TPRG1: variants seen among roughly 807,000 people sequenced by gnomAD.
TPRG1 encodes the protein tumor protein p63-regulated gene 1 protein.
A neutral mutation model predicts 29.3 loss-of-function variants in TPRG1; 29 were observed. The observed-to-expected ratio is 0.99, with a 90% CI of 0.74 to 1.35. TPRG1 has a LOEUF of 1.35. Among genes scored for constraint, TPRG1 ranks in the 40% most tolerant of loss-of-function variants. TPRG1 has a pLI of 0.00. For synonymous variants in TPRG1, 130 were observed against 116.8 expected, an observed-to-expected ratio of 1.11 and a Z score of -0.73; for missense variants, 327 against 335.0, an observed-to-expected ratio of 0.98 and a Z score of 0.19.
Position 189,267,868 on chromosome 3 carries a change from A to G in TPRG1, c.479+28959A>G, listed in dbSNP as rs190634372. On this transcript the variant is annotated intron_variant, in intron 4 of 5. Coordinates refer to ENST00000345063, the MANE Select transcript of TPRG1 (RefSeq NM_198485.4). ...ACATTGCTGTATGTGAATGGTGAGTAAATGATTAGAACAGGGAGCGGTATG... is the reference window on the plus strand; with the variant it reads ...ACATTGCTGTATGTGAATGGTGAGTGAATGATTAGAACAGGGAGCGGTATG... 1.3e-3 allele frequency: 200 copies of G among 152,388 alleles called. 1 individual carries two copies. The highest frequency in any genetic ancestry group is 4.3e-3 in the African/African-American group (179 of 41,576). The allele number at this position is 152,388 out of a possible 1,614,324, so 9.4% of individuals were successfully genotyped here. A position where few individuals can be genotyped will look rare whatever the true frequency, so the allele number is the denominator to read the frequency against.
intron 1 of TPRG1, among the ~76,000 whole-genome samples, chr3:189,198,629 A>T (rs1050605084): frequency 6.6e-6 from 1 of 152,226 alleles, no homozygotes; most frequent in Non-Finnish European, 1.5e-5. Flanking sequence ...GTATCCATTC[A>T]TCCATCCAAG....
At chr3:189,125,813 T>TTGTGTGTGTG (rs751689409) in intron 1 of TPRG1, among the ~76,000 whole-genome samples, 66 of 124,136 alleles carry the variant, frequency 5.3e-4, no homozygotes, top group East Asian at 1.7e-3. Flanking sequence ...GCAGGGTGTT[T>TTGTGTGTGTG]TGTGTGTGTG....
intron 4 of TPRG1, among the ~76,000 whole-genome samples, chr3:189,261,584 G>C (rs1467882466): frequency 1.3e-5 from 2 of 152,148 alleles, no homozygotes; most frequent in Admixed American, 6.5e-5. Flanking sequence ...GTACGACAGA[G>C]TGGCAAGACA....
intron 4 of TPRG1, among the ~76,000 whole-genome samples, chr3:189,268,125 T>TCC (rs1217210716): frequency 5.3e-5 from 8 of 152,224 alleles, no homozygotes; most frequent in Non-Finnish European, 1.2e-4. Context: ...GGACTTACCA[T>TCC]CCTCAGCAAG....
intron 2 of TPRG1, among the ~76,000 whole-genome samples, chr3:189,214,846 G>A (rs1443504930): frequency 6.6e-6 from 1 of 152,092 alleles, no homozygotes; most frequent in Non-Finnish European, 1.5e-5. Context: ...ATGAGGTGAG[G>A]AGACTGAAAG....
At chr3:189,148,162 C>G (rs1012016995) in intron 4 of TPRG1, among the ~76,000 whole-genome samples, 2 of 152,170 alleles carry the variant, frequency 1.3e-5, no homozygotes, top group African/African-American at 2.4e-5. Context: ...TTTCTGCTCC[C>G]TCCTGATTGG....
chr3:189,222,858 G>A, intron 3 of TPRG1, among the ~76,000 whole-genome samples: 1 of 152,016 alleles, frequency 6.6e-6, no homozygotes, highest in East Asian at 1.9e-4. Context: ...CTATCCCTTG[G>A]CCTCATGATT....
chr3:189,154,534 C>T (rs1726397293), intron 5 of TPRG1, among the ~76,000 whole-genome samples: 1 of 151,956 alleles, frequency 6.6e-6, no homozygotes. Flanking sequence ...CTCCACCTCC[C>T]AGATTCAAGC....
At chr3:189,062,768 A>C (rs60732616) in intron 4 of TPRG1, among the ~76,000 whole-genome samples, 1 of 151,996 alleles carries the variant, frequency 6.6e-6, no homozygotes, top group Non-Finnish European at 1.5e-5. Flanking sequence ...GTACAAAGAA[A>C]TACTCTGAGA....
intron 3 of TPRG1, among the ~76,000 whole-genome samples, chr3:189,221,076 A>G (rs143546805): frequency 2.0e-5 from 3 of 152,356 alleles, no homozygotes; most frequent in African/African-American, 7.2e-5. Context: ...TTCAAAACTG[A>G]ATATCCAAGT....
chr3:189,237,235 A>C (rs1416983882), intron 3 of TPRG1, among the ~76,000 whole-genome samples: 4 of 152,088 alleles, frequency 2.6e-5, no homozygotes, highest in African/African-American at 9.7e-5. Flanking sequence ...GATGGAGTGA[A>C]TAGCCCAACA....
intron 4 of TPRG1, among the ~76,000 whole-genome samples, chr3:189,305,345 G>A (rs1340097701): frequency 6.6e-6 from 1 of 152,210 alleles, no homozygotes; most frequent in African/African-American, 2.4e-5. Context: ...TTGGAGGAGA[G>A]GAGTCTTTCC....
chr3:189,201,340 C>A (rs997817716), intron 1 of TPRG1, among the ~76,000 whole-genome samples: 4 of 152,056 alleles, frequency 2.6e-5, no homozygotes, highest in African/African-American at 9.7e-5. Flanking sequence ...TTATAGATAC[C>A]TGCAATAGGA....
At chr3:189,185,223 C>CT (rs910340136) in intron 1 of TPRG1, among the ~76,000 whole-genome samples, 118 of 149,350 alleles carry the variant, frequency 7.9e-4, no homozygotes, top group South Asian at 1.7e-3. Context: ...CTTGGGTAAT[C>CT]TTTTTTTTTT....
chr3:189,012,411 G>A (rs1712650400), intron 3 of TPRG1, among the ~76,000 whole-genome samples: 1 of 152,124 alleles, frequency 6.6e-6, no homozygotes, highest in Non-Finnish European at 1.5e-5. Context: ...CTTTAAGTAT[G>A]TGATGAATTA....
intron 3 of TPRG1, among the ~76,000 whole-genome samples, chr3:189,227,047 A>T (rs113944398): frequency 1.8e-4 from 27 of 152,218 alleles, no homozygotes; most frequent in African/African-American, 6.5e-4. Flanking sequence ...TATAACAATT[A>T]GGAAACTGAA....
chr3:189,266,960 A>G (rs1560625577), intron 4 of TPRG1, among the ~76,000 whole-genome samples: 1 of 152,032 alleles, frequency 6.6e-6, no homozygotes, highest in Non-Finnish European at 1.5e-5. Flanking sequence ...GATAGTTTTA[A>G]TTTGGTGATT....
chr3:189,023,344 A>G (rs1224047598), intron 3 of TPRG1, among the ~76,000 whole-genome samples: 1 of 152,216 alleles, frequency 6.6e-6, no homozygotes, highest in Non-Finnish European at 1.5e-5. Context: ...TTTCAGCTCT[A>G]TCAGGTCAGT....
chr3:189,089,868 T>C (rs1718226171), intron 4 of TPRG1, among the ~76,000 whole-genome samples: 1 of 152,186 alleles, frequency 6.6e-6, no homozygotes, highest in Non-Finnish European at 1.5e-5. Context: ...CCATAGCAAC[T>C]GATAATAATA....
Sources: allele counts gnomAD v4.1 joint callset (sites outside exome capture counted in the v4.1 genomes callset), GRCh38; gene constraint gnomAD v4.1.1; transcripts MANE v1.5; gene names NCBI Gene and HGNC (gene_info 2026-07-23, HGNC 2026-07-21).